Variants in MRPL1 observed in about 807,000 individuals in gnomAD.
MRPL1 encodes mitochondrial ribosomal protein L1.
Under a neutral mutation model 38.0 loss-of-function variants are expected in MRPL1, and 28 were observed. The observed-to-expected ratio is 0.74, with a 90% confidence interval of 0.55 to 1.01. The LOEUF (loss-of-function observed/expected upper bound fraction) is 1.01, where lower values mean the gene tolerates loss of function less well. Ranked by LOEUF, MRPL1 falls within the 50% of genes least tolerant of loss-of-function variation. The pLI, the probability that MRPL1 is intolerant of heterozygous loss-of-function variation, is 0.00. For missense variants in MRPL1, 358 were observed against 389.8 expected (o/e 0.92, Z 0.69); for synonymous variants, 123 against 126.7 (o/e 0.97, Z 0.20).
At chr4:77,872,304 T>A (rs1208050533) in intron 2 of MRPL1, among the ~76,000 whole-genome samples, 1 of 147,692 alleles carries the variant, frequency 6.8e-6, no homozygotes, top group African/African-American at 2.6e-5. Context: ...GAAATTAATT[T>A]AATTTCTTTC....
In MRPL1 at chr4:77,897,447, G is replaced by A. The variant is rs542292925; in HGVS notation, c.670+3197G>A. Among the ~76,000 whole-genome samples, 5 of 152,278 alleles carry A rather than the reference G, an allele frequency of 3.3e-5. 1 individual carries two copies. The South Asian group carries it at 1.0e-3, about 32-fold the overall frequency. ...TGTGATAGGTACTGTGGCATATATG[G>A]GAACAGTTGAATTCTTTTATACCAT... On this transcript the variant is annotated intron_variant, in intron 6 of 8. Coordinates refer to ENST00000315567, the MANE Select transcript of MRPL1 (RefSeq NM_020236.4).
chr4:77,871,010 A>G (rs1478475325), intron 1 of MRPL1, among the ~76,000 whole-genome samples: 2 of 152,174 alleles, frequency 1.3e-5, no homozygotes, highest in Non-Finnish European at 2.9e-5. Flanking sequence ...AAATAAATTA[A>G]GAAATTTTGG....
At chr4:77,949,939 A>G (rs1280778932) in intron 8 of MRPL1, 61 bp downstream of exon 8, 27 of 1,012,856 alleles carry the variant, frequency 2.7e-5, no homozygotes, top group Non-Finnish European at 3.8e-5. Flanking sequence ...AATGTAAAAT[A>G]TGAAGAAAAA....
chr4:77,947,120 T>G (rs1737289318), intron 7 of MRPL1, among the ~76,000 whole-genome samples: 1 of 152,114 alleles, frequency 6.6e-6, no homozygotes, highest in African/African-American at 2.4e-5. Flanking sequence ...AATCTGAGTG[T>G]TAAAACAGAG....
At chr4:77,881,902 G>C (rs1485617063) in intron 2 of MRPL1, among the ~76,000 whole-genome samples, 2 of 152,058 alleles carry the variant, frequency 1.3e-5, no homozygotes, top group African/African-American at 4.8e-5. Context: ...TTATATTGCA[G>C]CCAGAATACC....
chr4:77,873,371 C>T (rs1735326713), intron 2 of MRPL1, among the ~76,000 whole-genome samples: 1 of 152,154 alleles, frequency 6.6e-6, no homozygotes, highest in Admixed American at 6.6e-5. Flanking sequence ...AACTGTCACA[C>T]TCTTCATGGT....
At chr4:77,906,424 G>A (rs1736159796) in intron 6 of MRPL1, among the ~76,000 whole-genome samples, 1 of 152,076 alleles carries the variant, frequency 6.6e-6, no homozygotes, top group Non-Finnish European at 1.5e-5. Context: ...AGGCAACATA[G>A]GAGACTTGTT....
chr4:77,937,784 A>T (rs1463235949), intron 7 of MRPL1, among the ~76,000 whole-genome samples: 1 of 152,146 alleles, frequency 6.6e-6, no homozygotes, highest in African/African-American at 2.4e-5. Context: ...GTGAATCTTG[A>T]AGAAACTTGT....
At chr4:77,906,532 G>A (rs1446660982) in intron 6 of MRPL1, among the ~76,000 whole-genome samples, 1 of 152,102 alleles carries the variant, frequency 6.6e-6, no homozygotes, top group Admixed American at 6.6e-5. Flanking sequence ...GGAAAGAAGG[G>A]AGGAGCAGCG....
Position 77,894,235 on chromosome 4 carries a change from C to G in MRPL1, c.655C>G (p.Pro219Ala), listed in dbSNP as rs751783258. Residue 219 changes from proline (P) to alanine (A), a missense_variant, in exon 6 of 9, where the codon CCA becomes GCA. Transcript: ENST00000315567. ...AAGGAAGAAACTGAATAAAAAATATCCAAAGCTTTCTCGAAGTAAGAGAAT... is the reference window on the plus strand; with the variant it reads ...AAGGAAGAAACTGAATAAAAAATATGCAAAGCTTTCTCGAAGTAAGAGAAT... ...RLRKKLNKKY[P>A]KLSRNSIGRD... 44 of 1,577,598 alleles carry G rather than the reference C, an allele frequency of 2.8e-5. No homozygotes were observed. Among genetic ancestry groups the G allele is most frequent in the Non-Finnish European group, 3.8e-5 (44 of 1,156,438 alleles).
At chr4:77,875,095 G>C (rs1735363524) in intron 2 of MRPL1, among the ~76,000 whole-genome samples, 1 of 151,646 alleles carries the variant, frequency 6.6e-6, no homozygotes, top group Admixed American at 6.6e-5. Flanking sequence ...GCCCGTTTAT[G>C]TTTTCTTTAC....
At chr4:77,883,025 C>G (rs1479809535) in intron 2 of MRPL1, among the ~76,000 whole-genome samples, 1 of 152,182 alleles carries the variant, frequency 6.6e-6, no homozygotes, top group African/African-American at 2.4e-5. Flanking sequence ...TTCTGGAGAG[C>G]AGCATCAGTG....
At chr4:77,919,846 T>TAA (rs1359198829) in intron 7 of MRPL1, among the ~76,000 whole-genome samples, 1 of 144,982 alleles carries the variant, frequency 6.9e-6, no homozygotes, top group African/African-American at 2.7e-5. Context: ...TATATATATA[T>TAA]ATATGTGTGT....
intron 7 of MRPL1, among the ~76,000 whole-genome samples, chr4:77,920,854 T>C (rs1736556134): frequency 6.6e-6 from 1 of 152,114 alleles, no homozygotes; most frequent in South Asian, 2.1e-4. Context: ...CCTTCACCTC[T>C]TTGTTTCAAC....
At chr4:77,906,752 A>G (rs573677789) in intron 6 of MRPL1, among the ~76,000 whole-genome samples, 10 of 152,328 alleles carry the variant, frequency 6.6e-5, no homozygotes, top group African/African-American at 2.4e-4. Context: ...TATTTAAGTA[A>G]AGAAATTTAA....
intron 5 of MRPL1, among the ~76,000 whole-genome samples, chr4:77,889,040 T>G (rs1282946912): frequency 6.6e-6 from 1 of 152,150 alleles, no homozygotes; most frequent in African/African-American, 2.4e-5. Context: ...TGAGAGACTT[T>G]AACACCACAC....
At chr4:77,894,396 A>AT (rs563423317) in intron 6 of MRPL1, 146 bp downstream of exon 6, 11 of 548,264 alleles carry the variant, frequency 2.0e-5, no homozygotes, top group Non-Finnish European at 2.9e-5. Flanking sequence ...TACGGGTTTG[A>AT]TTTTTTTCCC....
At chr4:77,928,618 A>C (rs931470764) in intron 7 of MRPL1, among the ~76,000 whole-genome samples, 16 of 152,192 alleles carry the variant, frequency 1.1e-4, no homozygotes, top group African/African-American at 3.9e-4. Flanking sequence ...TAGATCTTAG[A>C]TCTCCAAGGA....
intron 6 of MRPL1, among the ~76,000 whole-genome samples, chr4:77,895,859 A>G (rs1430356182): frequency 1.3e-5 from 2 of 152,146 alleles, no homozygotes; most frequent in Admixed American, 1.3e-4. Context: ...TCCAGTTTAT[A>G]TTCTTTCTTA....
Sources: allele counts gnomAD v4.1 joint callset (sites outside exome capture counted in the v4.1 genomes callset), GRCh38; gene constraint gnomAD v4.1.1; transcripts MANE v1.5; gene names NCBI Gene and HGNC (gene_info 2026-07-23, HGNC 2026-07-21).